Variants in DNAH9 observed in about 807,000 individuals in gnomAD.
The protein encoded by DNAH9 is dynein axonemal heavy chain 9, also known as DNAH9 variant protein.
A neutral mutation model predicts 471.6 loss-of-function variants in DNAH9; 345 were observed. The observed-to-expected ratio is 0.73, with a 90% confidence interval of 0.67 to 0.80. DNAH9 has a LOEUF of 0.80. Ranked by LOEUF, DNAH9 falls within the 30% of genes least tolerant of loss-of-function variation. The probability of loss-of-function intolerance (pLI) is 0.00; values close to 1 mark genes in which losing one functional copy is unlikely to be tolerated. For missense variants in DNAH9, 5,407 were observed against 5,609.2 expected (o/e 0.96, Z 1.15); for synonymous variants, 2,093 against 2,123.6 (o/e 0.99, Z 0.40).
intron 28 of DNAH9, among the ~76,000 whole-genome samples, chr17:11,732,490 T>C (rs1453398369): frequency 4.6e-5 from 7 of 151,960 alleles, no homozygotes; most frequent in Admixed American, 2.6e-4. Context: ...TCCTCTCCAC[T>C]GCTTGTCCGT....
intron 48 of DNAH9, among the ~76,000 whole-genome samples, chr17:11,825,134 G>A (rs186487824): frequency 5.9e-5 from 9 of 152,232 alleles, no homozygotes; most frequent in East Asian, 3.9e-4. Context: ...TCAGGGCATC[G>A]TAAGCTACAC....
intron 48 of DNAH9, among the ~76,000 whole-genome samples, chr17:11,823,489 C>T (rs1468575845): frequency 6.6e-6 from 1 of 152,210 alleles, no homozygotes; most frequent in Non-Finnish European, 1.5e-5. Context: ...TGGGGAATGG[C>T]TGCAGGGTTA....
At chr17:11,743,474 G>T (rs143855446) in intron 30 of DNAH9, among the ~76,000 whole-genome samples, 32 of 152,134 alleles carry the variant, frequency 2.1e-4, no homozygotes, top group Middle Eastern at 6.8e-3. Context: ...ATTTAAAAAC[G>T]CTCCTCACTG....
intron 67 of DNAH9, among the ~76,000 whole-genome samples, chr17:11,959,097 A>T (rs1975859195): frequency 5.6e-5 from 1 of 17,710 alleles, no homozygotes; most frequent in Non-Finnish European, 3.2e-3. Context: ...ATTTTAAAAT[A>T]TCAAAAAAAA....
At position 11,705,071 on chromosome 17, in the gene DNAH9, G is replaced by A. The variant is rs780340730; in HGVS notation, c.5438G>A (p.Arg1813His). The A allele has an allele frequency of 3.5e-5, 56 of 1,614,030 alleles. No homozygotes were observed. Among genetic ancestry groups the A allele is most frequent in the Admixed American group, 5.0e-5 (3 of 60,006 alleles). Residue 1813 changes from arginine (R) to histidine (H), a missense_variant, in exon 26 of 69, where the codon CGT (arginine) becomes CAT (histidine). Around this residue, in one of 3 missense-constraint regions of DNAH9, gnomAD observed 4,636 missense variants for 4,900.3 expected, o/e 0.95. Coordinates refer to ENST00000262442, the MANE Select transcript of DNAH9 (RefSeq NM_001372.4). ...AFLWLSQLRH[R>H]WDDEVKHCFA... is the part of the protein sequence containing the mutation. ...CTCTGGCTGTCTCAGCTGCGCCATC[G>A]TTGGGATGACGAGGTCAAACACTGC...
chr17:11,818,425 A>ATTTTT (rs112312158), intron 45 of DNAH9, among the ~76,000 whole-genome samples: 1,904 of 148,568 alleles, frequency 0.013, 52 homozygotes, highest in African/African-American at 0.046. Flanking sequence ...AAGACTCCGT[A>ATTTTT]TTTAAAAAAA....
At position 11,598,492 on chromosome 17, in the gene DNAH9, G is replaced by A. The variant is rs1321006053; in HGVS notation, c.-7G>A. On this transcript the variant is annotated 5_prime_UTR_variant, in exon 1 of 69. Transcript: ENST00000262442. ...AGGGAAACCGATGCAGCTGGAGGCC[G>A]CGCGCGATGCGGCTCGCGGAGGAGC... 1 of 1,365,258 alleles carries A rather than the reference G, an allele frequency of 7.3e-7. No homozygotes were observed. Among genetic ancestry groups the A allele is most frequent in the Non-Finnish European group, 9.4e-7 (1 of 1,067,968 alleles). The allele number at this position is 1,365,258 out of a possible 1,614,324, so 84.6% of individuals were successfully genotyped here. A position where few individuals can be genotyped will look rare whatever the true frequency, so the allele number is the denominator to read the frequency against.
chr17:11,819,482 A>G (rs1444710147), intron 45 of DNAH9, among the ~76,000 whole-genome samples: 1 of 152,074 alleles, frequency 6.6e-6, no homozygotes, highest in Non-Finnish European at 1.5e-5. Flanking sequence ...CAGTGGCGCA[A>G]TCTCGGCTCA....
chr17:11,752,002 A>G (rs111749180), intron 32 of DNAH9, among the ~76,000 whole-genome samples: 2,670 of 152,310 alleles, frequency 0.018, 39 homozygotes, highest in Non-Finnish European at 0.025. Flanking sequence ...CACAGTAGCA[A>G]TAAAAATCAT....
intron 43 of DNAH9, among the ~76,000 whole-genome samples, chr17:11,802,186 A>G (rs1328061121): frequency 6.6e-6 from 1 of 152,128 alleles, no homozygotes; most frequent in Non-Finnish European, 1.5e-5. Flanking sequence ...ACCAACCAAT[A>G]AAGCAGAAGG....
At chr17:11,611,046 T>TTGCTCCTGCTCCTGCTCC (rs61286679) in intron 3 of DNAH9, among the ~76,000 whole-genome samples, 4 of 150,992 alleles carry the variant, frequency 2.6e-5, no homozygotes, top group African/African-American at 9.8e-5. Flanking sequence ...GGCTTCATTA[T>TTGCTCCTGCTCCTGCTCC]TGCTCCTGCT....
intron 11 of DNAH9, among the ~76,000 whole-genome samples, chr17:11,646,701 G>A (rs932354563): frequency 6.6e-6 from 1 of 152,126 alleles, no homozygotes; most frequent in Middle Eastern, 3.2e-3. Flanking sequence ...ATCACCTGAG[G>A]TCGGGAGCTC....
chr17:11,969,425 TA>T lies in DNAH9; in HGVS notation c.13360del (p.Ser4454ValfsTer13). ...SVYSCPVYKT[S>X]QRGPTYVWTF... is the part of the protein sequence containing the mutation. ...TCTATTCCTGTCCTGTGTACAAGAC[TA>T]GTCAGCGGGGACCCACCTACGTGTG... On this transcript the variant is annotated frameshift_variant, in exon 69 of 69. Transcript: ENST00000262442. LOFTEE classifies it high-confidence loss of function. 6.2e-7 allele frequency: 1 copy of T among 1,613,916 alleles called. No homozygotes were observed. Among genetic ancestry groups the T allele is most frequent in the Non-Finnish European group, 8.5e-7 (1 of 1,179,980 alleles).
At chr17:11,647,992 T>C (rs1258695613) in intron 12 of DNAH9, among the ~76,000 whole-genome samples, 1 of 152,104 alleles carries the variant, frequency 6.6e-6, no homozygotes, top group East Asian at 1.9e-4. Context: ...AGTGCTGAGG[T>C]TGAGAAACTG....
At chr17:11,841,114 C>T (rs1011240548) in intron 49 of DNAH9, among the ~76,000 whole-genome samples, 8 of 152,188 alleles carry the variant, frequency 5.3e-5, no homozygotes, top group African/African-American at 1.9e-4. Flanking sequence ...TATTTTTAGT[C>T]ACTTCAGTTT....
chr17:11,629,543 C>T lies in DNAH9; in HGVS notation c.1477C>T (p.Leu493Phe), dbSNP rs1050087529. ...HEEFQEMYRL[L>F]SGSSSDCLYL... ...AGAATTTCAAGAGATGTACAGGCTT[C>T]TCTCAGGATCCTCCTCCGACTGCCT... Residue 493 changes from leucine (L) to phenylalanine (F), a missense_variant, in exon 7 of 69, where the codon CTC becomes TTC. This residue lies in a region of DNAH9 where 767 missense variants were observed against 692.5 expected (regional missense o/e 1.11). Coordinates refer to ENST00000262442, the MANE Select transcript of DNAH9 (RefSeq NM_001372.4). 19 of 1,613,990 alleles carry T rather than the reference C, an allele frequency of 1.2e-5. No homozygotes were observed. The highest frequency in any genetic ancestry group is 1.5e-5 in the Non-Finnish European group (18 of 1,180,028).
intron 48 of DNAH9, among the ~76,000 whole-genome samples, chr17:11,823,472 A>G (rs1970385742): frequency 6.6e-6 from 1 of 152,218 alleles, no homozygotes; most frequent in Non-Finnish European, 1.5e-5. Flanking sequence ...TGAATGGTGA[A>G]AGGAAATGGG....
chr17:11,753,631 A>C (rs1349059750), intron 33 of DNAH9, among the ~76,000 whole-genome samples: 1 of 152,160 alleles, frequency 6.6e-6, no homozygotes, highest in East Asian at 1.9e-4. Flanking sequence ...GCGCCATTGC[A>C]CTCCAGCCTG....
At chr17:11,752,736 C>T in intron 32 of DNAH9, 97 bp from the exon 33 acceptor site, 1 of 945,434 alleles carries the variant, frequency 1.1e-6, no homozygotes. Context: ...CCATGTACGC[C>T]CCCTTCTGTG....
Sources: gnomAD v4.1 joint callset for allele counts (sites outside exome capture counted in the v4.1 genomes callset) on GRCh38, gnomAD v4.1.1 for gene constraint, gnomAD v4.1.1 regional missense constraint, MANE v1.5 for transcripts, NCBI Gene and HGNC (gene_info 2026-07-23, HGNC 2026-07-21) for gene names.